The following GABRB1 variants were observed in gnomAD, a reference collection of about 807,000 sequenced individuals.
The protein encoded by GABRB1 is gamma-aminobutyric acid receptor subunit beta-1.
Under a neutral mutation model 51.6 loss-of-function variants are expected in GABRB1, and 17 were observed. That is an observed-to-expected ratio of 0.33 (90% CI 0.23 to 0.49). The LOEUF is 0.49. GABRB1 is among the 20% of genes least tolerant of loss of function. The probability of loss-of-function intolerance (pLI) is 0.99; values close to 1 mark genes in which losing one functional copy is unlikely to be tolerated. For synonymous variants in GABRB1, 247 were observed against 218.9 expected (o/e 1.13, Z -1.14); for missense variants, 410 against 600.6 (o/e 0.68, Z 3.32).
chr4:47,284,998 C>G (rs1036945061), intron 4 of GABRB1, among the ~76,000 whole-genome samples: 6 of 152,180 alleles, frequency 3.9e-5, no homozygotes, highest in African/African-American at 1.4e-4. Flanking sequence ...TTTCTAACGT[C>G]ATCGTGTTTG....
At chr4:47,366,337 C>T (rs1373002785) in intron 5 of GABRB1, among the ~76,000 whole-genome samples, 1 of 152,124 alleles carries the variant, frequency 6.6e-6, no homozygotes, top group Non-Finnish European at 1.5e-5. Context: ...TCCTAATGGC[C>T]CTCAAATTAC....
At chr4:47,027,898 C>T (rs1295829771), upstream of GABRB1, among the ~76,000 whole-genome samples, 1 of 151,442 alleles carries the variant, frequency 6.6e-6, no homozygotes. Flanking sequence ...AGGCAAATGC[C>T]ACCAATACAT....
intron 8 of GABRB1, among the ~76,000 whole-genome samples, chr4:47,419,884 G>A (rs1484243081): frequency 2.0e-5 from 3 of 152,134 alleles, no homozygotes; most frequent in East Asian, 3.8e-4. Flanking sequence ...GAACTAAGCT[G>A]TATTCTCCAC....
At chr4:47,237,296 T>C (rs1006121875) in intron 4 of GABRB1, among the ~76,000 whole-genome samples, 1 of 152,062 alleles carries the variant, frequency 6.6e-6, no homozygotes, top group African/African-American at 2.4e-5. Flanking sequence ...TAACATTTAT[T>C]GTTCACATAC....
intron 1 of GABRB1, among the ~76,000 whole-genome samples, chr4:47,019,245 G>C (rs545812952): frequency 2.3e-4 from 35 of 151,920 alleles, no homozygotes; most frequent in Non-Finnish European, 4.6e-4. Context: ...TCTTCACTTG[G>C]CTCTCAGCAC....
chr4:47,025,374 T>C (rs556863712), intron 1 of GABRB1, among the ~76,000 whole-genome samples: 83 of 152,092 alleles, frequency 5.5e-4, no homozygotes, highest in South Asian at 4.4e-3. Context: ...AGTGTAGAAG[T>C]GTTCCCTTTT....
At chr4:47,387,102 A>G (rs1038618508) in intron 5 of GABRB1, among the ~76,000 whole-genome samples, 17 of 152,178 alleles carry the variant, frequency 1.1e-4, no homozygotes, top group Non-Finnish European at 2.2e-4. Context: ...CAAGGGAATA[A>G]TGATAAAAGG....
At chr4:47,312,391 T>C (rs974866285) in intron 4 of GABRB1, among the ~76,000 whole-genome samples, 1 of 148,408 alleles carries the variant, frequency 6.7e-6, no homozygotes, top group African/African-American at 2.5e-5. Context: ...TTTCACCCTA[T>C]TGCACTGAGC....
chr4:47,336,924 C>A (rs1725721922), intron 5 of GABRB1, among the ~76,000 whole-genome samples: 1 of 152,178 alleles, frequency 6.6e-6, no homozygotes, highest in Admixed American at 6.5e-5. Flanking sequence ...AGGAAATGAT[C>A]ATTGCAGAGA....
At chr4:46,997,387 T>G (rs180741021) in intron 1 of GABRB1, among the ~76,000 whole-genome samples, 101 of 151,028 alleles carry the variant, frequency 6.7e-4, no homozygotes, top group Non-Finnish European at 1.2e-3. Context: ...TGTGGCCTCA[T>G]GTTGTACATT....
At chr4:47,296,805 C>T (rs1263374975) in intron 4 of GABRB1, among the ~76,000 whole-genome samples, 8 of 152,170 alleles carry the variant, frequency 5.3e-5, no homozygotes, top group Non-Finnish European at 1.2e-4. Flanking sequence ...ACAGAATATA[C>T]ATTTTTTTCA....
At chr4:47,194,909 C>A (rs1221629738) in intron 4 of GABRB1, among the ~76,000 whole-genome samples, 2 of 152,122 alleles carry the variant, frequency 1.3e-5, no homozygotes, top group East Asian at 3.9e-4. Flanking sequence ...CTTTAGGAGT[C>A]CAAAGGTTTT....
chr4:47,255,925 G>A (rs1384485568), intron 4 of GABRB1, among the ~76,000 whole-genome samples: 1 of 152,204 alleles, frequency 6.6e-6, no homozygotes, highest in East Asian at 1.9e-4. Context: ...AGATGGGCCA[G>A]AAAAGGAAGA....
intron 4 of GABRB1, among the ~76,000 whole-genome samples, chr4:47,260,227 T>C (rs4588437): frequency 0.88 from 133,581 of 151,470 alleles, 59,173 homozygotes; most frequent in East Asian, 0.98. Flanking sequence ...TGTCTCTGCA[T>C]GTGAGATGGG....
At position 47,067,138 on chromosome 4, in the gene GABRB1, T is replaced by C. The variant is rs115882821; in HGVS notation, c.240+34654T>C. Reference sequence around the variant, plus strand: ...GCTATCTTGAAAGGATTCTTTTTTTTCTGAGAAGTAGATCTTAACAATGTG... The same window carrying C: ...GCTATCTTGAAAGGATTCTTTTTTTCCTGAGAAGTAGATCTTAACAATGTG... On this transcript the variant is annotated intron_variant, in intron 3 of 8. Transcript: ENST00000295454. Among the ~76,000 whole-genome samples the C allele has an allele frequency of 3.7e-3, 565 of 152,334 alleles. 2 individuals carry two copies. Among genetic ancestry groups the C allele is most frequent in the Non-Finnish European group, 6.2e-3 (425 of 68,020 alleles).
intron 3 of GABRB1, among the ~76,000 whole-genome samples, chr4:47,066,277 T>A (rs976347839): frequency 2.0e-5 from 3 of 152,234 alleles, no homozygotes; most frequent in African/African-American, 7.2e-5. Context: ...CTAATGATCA[T>A]CTTGCCTTGA....
intron 8 of GABRB1, among the ~76,000 whole-genome samples, chr4:47,409,158 G>C (rs183230524): frequency 1.2e-3 from 182 of 152,256 alleles, no homozygotes; most frequent in African/African-American, 3.9e-3. Context: ...GTAGCATCTA[G>C]AGTTGGGTGC....
At chr4:47,145,913 A>T (rs1717148245) in intron 3 of GABRB1, among the ~76,000 whole-genome samples, 1 of 152,020 alleles carries the variant, frequency 6.6e-6, no homozygotes, top group Non-Finnish European at 1.5e-5. Context: ...ATGCAGATGA[A>T]AAAAATGCAT....
chr4:47,308,469 T>C (rs1317859730), intron 4 of GABRB1, among the ~76,000 whole-genome samples: 1 of 152,076 alleles, frequency 6.6e-6, no homozygotes, highest in Admixed American at 6.6e-5. Context: ...CTATTTGGTT[T>C]TGGTTTTGTT....
Sources: gnomAD v4.1 joint callset for allele counts (sites outside exome capture counted in the v4.1 genomes callset) on GRCh38, gnomAD v4.1.1 for gene constraint, MANE v1.5 for transcripts, NCBI Gene and HGNC (gene_info 2026-07-23, HGNC 2026-07-21) for gene names.